Variants in ARMC9 observed in about 807,000 individuals in gnomAD.
ARMC9 encodes the protein armadillo repeat containing 9, also known as lisH domain-containing protein ARMC9.
ARMC9 carries 94 observed loss-of-function variants against 107.0 expected under a neutral mutation model. That is an observed-to-expected ratio of 0.88 (90% CI 0.74 to 1.04). The LOEUF is 1.04. Among genes scored for constraint, ARMC9 ranks in the 50% least tolerant of loss-of-function variants. The probability of loss-of-function intolerance (pLI) is 0.00; values close to 1 mark genes in which losing one functional copy is unlikely to be tolerated. For missense variants in ARMC9, 942 were observed against 1,030.1 expected, an observed-to-expected ratio of 0.91 and a Z score of 1.17; for synonymous variants, 380 against 396.9, an observed-to-expected ratio of 0.96 and a Z score of 0.51.
At chr2:231,238,412 C>T (rs2035974902) in intron 8 of ARMC9, among the ~76,000 whole-genome samples, 1 of 152,168 alleles carries the variant, frequency 6.6e-6, no homozygotes, top group Non-Finnish European at 1.5e-5. Context: ...TGCAGTGGTG[C>T]AATCTCAGCT....
intron 3 of ARMC9, among the ~76,000 whole-genome samples, chr2:231,212,574 A>G (rs927229794): frequency 1.3e-5 from 2 of 152,100 alleles, no homozygotes; most frequent in Non-Finnish European, 2.9e-5. Context: ...CGCACTTCTC[A>G]TGGCAAGGCC....
intron 1 of ARMC9, 123 bp downstream of exon 1, chr2:231,198,821 G>A (rs1559270526): frequency 1.3e-5 from 2 of 152,572 alleles, no homozygotes; most frequent in South Asian, 2.1e-4. Flanking sequence ...AAAACCCGAC[G>A]CGCCCGCTCC....
At chr2:231,349,657 C>T (rs115729106) in intron 21 of ARMC9, among the ~76,000 whole-genome samples, 16 of 152,150 alleles carry the variant, frequency 1.1e-4, no homozygotes, top group African/African-American at 3.6e-4. Context: ...TAGCGAGTGC[C>T]TGTAATCCAG....
intron 22 of ARMC9, among the ~76,000 whole-genome samples, chr2:231,359,542 C>T (rs544184592): frequency 9.2e-5 from 14 of 152,246 alleles, no homozygotes; most frequent in East Asian, 7.7e-4. Flanking sequence ...CCGTCCCCTA[C>T]GCTCACACCC....
chr2:231,314,094 T>C (rs2042524122), intron 19 of ARMC9, among the ~76,000 whole-genome samples: 1 of 151,400 alleles, frequency 6.6e-6, no homozygotes, highest in South Asian at 2.1e-4. Context: ...GTTTTTTGTT[T>C]TTGAGACGGA....
At chr2:231,243,432 T>A (rs890493277) in intron 9 of ARMC9, among the ~76,000 whole-genome samples, 2 of 151,884 alleles carry the variant, frequency 1.3e-5, no homozygotes, top group Non-Finnish European at 1.5e-5. Context: ...AAAAAACTGA[T>A]GACATGTTAT....
chr2:231,226,935 C>A, intron 7 of ARMC9, 137 bp downstream of exon 7: 4 of 999,860 alleles, frequency 4.0e-6, no homozygotes, highest in East Asian at 2.6e-5. Context: ...GCTTTGCAGT[C>A]ATAGTGACCT....
intron 9 of ARMC9, among the ~76,000 whole-genome samples, chr2:231,245,731 G>A (rs1248199614): frequency 6.6e-6 from 1 of 152,136 alleles, no homozygotes; most frequent in Admixed American, 6.5e-5. Context: ...AGACATTTAG[G>A]TGGCTTTTCT....
chr2:231,282,281 A>G (rs2040275532), intron 17 of ARMC9, 148 bp downstream of exon 17: 1 of 763,744 alleles, frequency 1.3e-6, no homozygotes, highest in South Asian at 1.8e-5. Flanking sequence ...TATATTTGCC[A>G]TTTCCTGGGG....
At chr2:231,313,630 G>T (rs2042483002) in intron 19 of ARMC9, among the ~76,000 whole-genome samples, 2 of 152,092 alleles carry the variant, frequency 1.3e-5, no homozygotes. Context: ...CACATTTGTA[G>T]TCAGCCCTTG....
At position 231,256,603 on chromosome 2, in the gene ARMC9, A is replaced by G. The variant is rs1223281820; in HGVS notation, c.897A>G (p.Arg299=). Residue 299 remains arginine (R), a synonymous_variant, in exon 10 of 25, where the codon CGA becomes CGG. Transcript: ENST00000611582. The part of the protein sequence containing the change: ...TRPGTASTML[R]ASLAPVKLKD... ...CCCCCCAGGCATCCACCATGTTACG[A>G]GCCTCCTTGGCACCCGTGTAAGTAA... 2.5e-6 allele frequency: 4 copies of G among 1,614,042 alleles called. No individual in the cohort carries two copies. In the Admixed American group the frequency reaches 6.7e-5, roughly 27 times the overall value.
chr2:231,241,374 A>C (rs1248053913), intron 9 of ARMC9, among the ~76,000 whole-genome samples: 1 of 152,082 alleles, frequency 6.6e-6, no homozygotes, highest in Non-Finnish European at 1.5e-5. Flanking sequence ...ATTCTTAACC[A>C]GGAGAGACAC....
At chr2:231,228,280 T>C (rs1021976190) in intron 7 of ARMC9, among the ~76,000 whole-genome samples, 2 of 152,214 alleles carry the variant, frequency 1.3e-5, no homozygotes, top group Non-Finnish European at 2.9e-5. Flanking sequence ...CATTCACTTA[T>C]AATGGTGATG....
In ARMC9 at chr2:231,251,803, G is replaced by A. The variant is rs533425106; in HGVS notation, c.880-4783G>A. Reference sequence around the variant, plus strand: ...CGCAGTGGTACAATCATAGCTCACTGCAGCCTCAACCTCCTGGGCTCAGGT... The same window carrying A: ...CGCAGTGGTACAATCATAGCTCACTACAGCCTCAACCTCCTGGGCTCAGGT... On this transcript the variant is annotated intron_variant, in intron 9 of 24. Transcript: ENST00000611582. 3.3e-5 allele frequency among the ~76,000 whole-genome samples: 5 copies of A among 152,146 alleles called. No homozygotes were observed. In the East Asian group the frequency reaches 9.7e-4, roughly 29 times the overall value.
At chr2:231,338,643 G>A (rs563356137) in intron 20 of ARMC9, among the ~76,000 whole-genome samples, 30 of 146,588 alleles carry the variant, frequency 2.0e-4, no homozygotes, top group Non-Finnish European at 3.3e-4. Context: ...AGGCTTAAAC[G>A]ATCTTCCCAC....
chr2:231,239,610 G>C (rs1435983006), intron 8 of ARMC9, among the ~76,000 whole-genome samples: 3 of 152,316 alleles, frequency 2.0e-5, no homozygotes, highest in African/African-American at 7.2e-5. Context: ...TGGTTGTCCA[G>C]TGACTTTGTT....
intron 21 of ARMC9, among the ~76,000 whole-genome samples, chr2:231,349,781 TAAAAC>T (rs1394588467): frequency 6.6e-6 from 1 of 151,160 alleles, no homozygotes; most frequent in Non-Finnish European, 1.5e-5. Flanking sequence ...ACCCCCAACT[TAAAAC>T]AAAAATGAGT....
intron 9 of ARMC9, 133 bp downstream of exon 9, chr2:231,240,174 C>T (rs2036166257): frequency 1.3e-6 from 1 of 768,102 alleles, no homozygotes; most frequent in Admixed American, 2.7e-5. Context: ...AGTCTAGAAA[C>T]TCCTAGAAGG....
At chr2:231,342,203 T>C (rs1167326626) in intron 20 of ARMC9, among the ~76,000 whole-genome samples, 1 of 152,186 alleles carries the variant, frequency 6.6e-6, no homozygotes, top group Non-Finnish European at 1.5e-5. Context: ...CCCTGCACAC[T>C]GAAGCCGCTC....
Sources: gnomAD v4.1 joint callset for allele counts (sites outside exome capture counted in the v4.1 genomes callset) on GRCh38, gnomAD v4.1.1 for gene constraint, MANE v1.5 for transcripts, NCBI Gene and HGNC (gene_info 2026-07-23, HGNC 2026-07-21) for gene names.